Variants in CCSER1 observed in about 807,000 individuals in gnomAD.
CCSER1 encodes serine-rich coiled-coil domain-containing protein 1.
In CCSER1, 41 loss-of-function variants were observed where a neutral mutation model predicts 82.0. The observed-to-expected ratio is 0.50, with a 90% CI of 0.39 to 0.65. CCSER1 has a LOEUF of 0.65. Ranked by LOEUF, CCSER1 falls within the 30% of genes least tolerant of loss-of-function variation. The pLI, the probability that CCSER1 is intolerant of heterozygous loss-of-function variation, is 0.00. For missense variants in CCSER1, 1,119 were observed against 1,064.2 expected, an observed-to-expected ratio of 1.05 and a Z score of -0.72; for synonymous variants, 414 against 383.9, an observed-to-expected ratio of 1.08 and a Z score of -0.92.
rs570263580 is a variant in CCSER1, at chr4:91,020,649, G to A, written c.2173-65301G>A. On this transcript the variant is annotated intron_variant, in intron 9 of 10. Coordinates refer to ENST00000509176, the MANE Select transcript of CCSER1 (RefSeq NM_001145065.2). ...TGCACTCCAGCCTGGGTGACAGAGC[G>A]AGACTCCGTCTCAAAAAAAAAAAAG... 1.7e-3 allele frequency among the ~76,000 whole-genome samples: 261 copies of A among 150,976 alleles called. 3 individuals are homozygous for A. The highest frequency in any genetic ancestry group is 3.0e-3 in the Non-Finnish European group (202 of 67,812).
At chr4:90,353,128 C>T (rs1167022630) in intron 3 of CCSER1, among the ~76,000 whole-genome samples, 2 of 152,096 alleles carry the variant, frequency 1.3e-5, no homozygotes, top group Non-Finnish European at 2.9e-5. Context: ...GTGTGGACAT[C>T]TGAGGCTATA....
chr4:90,600,194 G>C (rs999362252), intron 5 of CCSER1, among the ~76,000 whole-genome samples: 1 of 152,108 alleles, frequency 6.6e-6, no homozygotes, highest in Admixed American at 6.6e-5. Context: ...TAGGGACGTA[G>C]GTATTTATTT....
chr4:91,200,474 T>TG (rs552589530), intron 10 of CCSER1, among the ~76,000 whole-genome samples: 1 of 152,024 alleles, frequency 6.6e-6, no homozygotes, highest in Non-Finnish European at 1.5e-5. Context: ...TGACTTGTAG[T>TG]GGGGGGCCAC....
intron 5 of CCSER1, among the ~76,000 whole-genome samples, chr4:90,597,388 T>C (rs1330172864): frequency 6.6e-6 from 1 of 152,054 alleles, no homozygotes; most frequent in Non-Finnish European, 1.5e-5. Flanking sequence ...GCTTTTTATT[T>C]ACATAGCTTT....
intron 10 of CCSER1, among the ~76,000 whole-genome samples, chr4:91,474,828 C>CAT (rs2149447896): frequency 6.8e-6 from 1 of 147,962 alleles, no homozygotes; most frequent in African/African-American, 2.5e-5. Flanking sequence ...CACACACACA[C>CAT]ACACACACAC....
chr4:90,911,328 T>G, intron 8 of CCSER1: 1 of 456,256 alleles, frequency 2.2e-6, no homozygotes, highest in Non-Finnish European at 4.4e-6. Flanking sequence ...TCTACTGATG[T>G]CTTCAGTGAT....
chr4:91,151,202 G>T (rs1258953487), intron 10 of CCSER1, among the ~76,000 whole-genome samples: 2 of 152,056 alleles, frequency 1.3e-5, no homozygotes, highest in Non-Finnish European at 2.9e-5. Flanking sequence ...TCTTGGGAGG[G>T]TGCATTTGTC....
At chr4:91,409,292 A>G (rs556272454) in intron 10 of CCSER1, among the ~76,000 whole-genome samples, 4 of 152,148 alleles carry the variant, frequency 2.6e-5, no homozygotes, top group Non-Finnish European at 5.9e-5. Context: ...ATGCCCTTAT[A>G]TTGCCCAATT....
At chr4:91,159,873 CATG>C (rs1214797184) in intron 10 of CCSER1, among the ~76,000 whole-genome samples, 2 of 151,770 alleles carry the variant, frequency 1.3e-5, no homozygotes, top group African/African-American at 4.8e-5. Context: ...ATTATGAAAT[CATG>C]ATTTTTAGGC....
intron 1 of CCSER1, among the ~76,000 whole-genome samples, chr4:90,166,547 A>G (rs566905106): frequency 1.3e-5 from 2 of 152,086 alleles, no homozygotes; most frequent in South Asian, 2.1e-4. Flanking sequence ...GGGGAGAATA[A>G]TTATCAGATT....
intron 6 of CCSER1, among the ~76,000 whole-genome samples, chr4:90,717,287 G>C (rs1019071596): frequency 1.3e-5 from 2 of 152,116 alleles, no homozygotes; most frequent in Non-Finnish European, 2.9e-5. Context: ...AAACCAGAAT[G>C]TTAACAAGTG....
At chr4:91,041,004 C>T (rs944314185) in intron 9 of CCSER1, among the ~76,000 whole-genome samples, 6 of 152,040 alleles carry the variant, frequency 3.9e-5, no homozygotes, top group Non-Finnish European at 5.9e-5. Context: ...TTATTTTTAG[C>T]ATCTTTTACA....
intron 10 of CCSER1, among the ~76,000 whole-genome samples, chr4:91,480,337 G>A (rs936267424): frequency 6.6e-6 from 1 of 152,124 alleles, no homozygotes; most frequent in Admixed American, 6.6e-5. Context: ...CAGCATGGTT[G>A]AACTAGTTCA....
At chr4:90,148,995 T>C (rs1726328200) in intron 1 of CCSER1, among the ~76,000 whole-genome samples, 1 of 152,130 alleles carries the variant, frequency 6.6e-6, no homozygotes, top group Non-Finnish European at 1.5e-5. Context: ...AAAGGCACTT[T>C]GGCTTTGTTA....
chr4:90,498,170 A>T (rs1769316717), intron 5 of CCSER1, among the ~76,000 whole-genome samples: 2 of 152,198 alleles, frequency 1.3e-5, no homozygotes, highest in Admixed American at 6.6e-5. Context: ...ATACATAGAT[A>T]CTTATGATAA....
intron 7 of CCSER1, among the ~76,000 whole-genome samples, chr4:90,773,988 C>T (rs1752575443): frequency 6.6e-6 from 1 of 152,030 alleles, no homozygotes; most frequent in South Asian, 2.1e-4. Flanking sequence ...CTAAACACTA[C>T]ATAAGATACG....
intron 5 of CCSER1, among the ~76,000 whole-genome samples, chr4:90,615,805 G>A (rs965321132): frequency 1.3e-5 from 2 of 152,184 alleles, no homozygotes; most frequent in Non-Finnish European, 2.9e-5. Flanking sequence ...GGGTTTGAGA[G>A]GATTGATACG....
chr4:91,160,614 T>A (rs2148975339), intron 10 of CCSER1, among the ~76,000 whole-genome samples: 1 of 152,334 alleles, frequency 6.6e-6, no homozygotes, highest in African/African-American at 2.4e-5. Flanking sequence ...GGTATCTCAT[T>A]GTGGTTTTGA....
intron 10 of CCSER1, among the ~76,000 whole-genome samples, chr4:91,101,393 G>A (rs1725039278): frequency 6.6e-6 from 1 of 152,208 alleles, no homozygotes; most frequent in African/African-American, 2.4e-5. Context: ...ACTGATAAGA[G>A]CACATGAAAA....
Sources: allele counts gnomAD v4.1 joint callset (sites outside exome capture counted in the v4.1 genomes callset), GRCh38; gene constraint gnomAD v4.1.1; transcripts MANE v1.5; gene names NCBI Gene and HGNC (gene_info 2026-07-23, HGNC 2026-07-21).